Variants in STPG2 observed in about 807,000 individuals in gnomAD.
STPG2 encodes sperm tail PG-rich repeat containing 2, also known as sperm-tail PG-rich repeat-containing protein 2.
STPG2 carries 56 observed loss-of-function variants against 54.2 expected under a neutral mutation model. The observed-to-expected ratio is 1.03, with a 90% CI of 0.83 to 1.29. The LOEUF is 1.29. Among genes scored for constraint, STPG2 ranks in the 50% most tolerant of loss-of-function variants. The pLI, the probability that STPG2 is intolerant of heterozygous loss-of-function variation, is 0.00. For synonymous variants in STPG2, 200 were observed against 181.8 expected, an observed-to-expected ratio of 1.10 and a Z score of -0.81; for missense variants, 596 against 544.9, an observed-to-expected ratio of 1.09 and a Z score of -0.93.
chr4:98,009,442 A>G (rs1560633415), intron 5 of STPG2, among the ~76,000 whole-genome samples: 1 of 152,070 alleles, frequency 6.6e-6, no homozygotes. Flanking sequence ...TGATTCAAAA[A>G]GATACTTAAT....
intron 9 of STPG2, among the ~76,000 whole-genome samples, chr4:97,812,993 G>A (rs769760119): frequency 1.9e-4 from 29 of 152,138 alleles, no homozygotes; most frequent in Non-Finnish European, 3.7e-4. Flanking sequence ...AAAAATCTTG[G>A]AGTCATCTTT....
At chr4:97,473,276 T>C (rs1370554689) in intron 4 of STPG2, among the ~76,000 whole-genome samples, 1 of 152,202 alleles carries the variant, frequency 6.6e-6, no homozygotes, top group Admixed American at 6.5e-5. Context: ...CATATTTCTC[T>C]TCTTTCAAAA....
chr4:97,900,988 T>A (rs976313993), intron 8 of STPG2, among the ~76,000 whole-genome samples: 4 of 151,828 alleles, frequency 2.6e-5, no homozygotes, highest in African/African-American at 9.7e-5. Context: ...TTGTTTTGAT[T>A]TTGCAAATCA....
chr4:97,939,673 T>G (rs1160117814), intron 8 of STPG2, among the ~76,000 whole-genome samples: 2 of 152,226 alleles, frequency 1.3e-5, no homozygotes, highest in Non-Finnish European at 2.9e-5. Context: ...CTCCATCCCT[T>G]TATTTTGAGC....
At chr4:97,804,714 TC>T (rs1445476970) in intron 9 of STPG2, among the ~76,000 whole-genome samples, 1 of 152,164 alleles carries the variant, frequency 6.6e-6, no homozygotes, top group Non-Finnish European at 1.5e-5. Flanking sequence ...CACTCACTCA[TC>T]CAAAGCTACT....
chr4:97,734,857 G>C (rs1724922765), intron 9 of STPG2, among the ~76,000 whole-genome samples: 1 of 152,064 alleles, frequency 6.6e-6, no homozygotes, highest in Non-Finnish European at 1.5e-5. Flanking sequence ...TGGATCACAA[G>C]GTCAGCAGAT....
chr4:97,462,895 T>A (rs1049709886), intron 4 of STPG2, among the ~76,000 whole-genome samples: 1 of 152,116 alleles, frequency 6.6e-6, no homozygotes, highest in African/African-American at 2.4e-5. Flanking sequence ...TGGTTATAAC[T>A]GGCATTCCTG....
intron 5 of STPG2, among the ~76,000 whole-genome samples, chr4:98,052,149 A>T (rs906018555): frequency 6.6e-6 from 1 of 152,146 alleles, no homozygotes; most frequent in East Asian, 1.9e-4. Flanking sequence ...TCTCCCAAAA[A>T]TTTCTCAAGT....
At chr4:98,140,884 A>G (rs1740263461) in intron 1 of STPG2, among the ~76,000 whole-genome samples, 1 of 152,216 alleles carries the variant, frequency 6.6e-6, no homozygotes, top group Admixed American at 6.5e-5. Flanking sequence ...ATTAGGAGAA[A>G]GCTCACCTTA....
downstream of STPG2, among the ~76,000 whole-genome samples, chr4:97,555,859 T>A (rs1204004238): frequency 9.9e-5 from 15 of 152,080 alleles, no homozygotes; most frequent in Admixed American, 5.2e-4. Flanking sequence ...AAAGATAAGC[T>A]CTTGCTCTGA....
intron 10 of STPG2, among the ~76,000 whole-genome samples, chr4:97,666,368 A>G (rs1722525487): frequency 6.6e-6 from 1 of 152,214 alleles, no homozygotes; most frequent in Non-Finnish European, 1.5e-5. Context: ...TTCCTAGAAC[A>G]TGCAATGTTA....
chr4:98,132,948 T>TAAAAAAAAAAAAAAAAAA (rs200375140), intron 2 of STPG2, among the ~76,000 whole-genome samples: 1 of 101,582 alleles, frequency 9.8e-6, no homozygotes. Context: ...TGAAATGAAC[T>TAAAAAAAAAAAAAAAAAA]AAAAAAAAAA....
chr4:97,939,236 G>T (rs1732883099), intron 8 of STPG2, among the ~76,000 whole-genome samples: 1 of 152,048 alleles, frequency 6.6e-6, no homozygotes, highest in Non-Finnish European at 1.5e-5. Context: ...CCAATGATGT[G>T]GTCAATTTCA....
intron 8 of STPG2, among the ~76,000 whole-genome samples, chr4:97,867,688 T>C (rs746038363): frequency 6.6e-5 from 10 of 152,048 alleles, no homozygotes; most frequent in Admixed American, 6.6e-5. Context: ...AGTCCAGGAC[T>C]GATGCAGCAG....
At chr4:97,762,880 C>A (rs1445116600) in intron 9 of STPG2, among the ~76,000 whole-genome samples, 1 of 152,044 alleles carries the variant, frequency 6.6e-6, no homozygotes, top group East Asian at 1.9e-4. Flanking sequence ...GTCACTATAT[C>A]TCCTTTCTCT....
intron 4 of STPG2, among the ~76,000 whole-genome samples, chr4:97,455,180 G>A (rs1278654763): frequency 1.1e-4 from 17 of 152,156 alleles, no homozygotes; most frequent in Non-Finnish European, 4.4e-5. Context: ...AGAAAATCTA[G>A]ATGACGTGTT....
chr4:97,515,089 T>G (rs1297804870), intron 4 of STPG2, among the ~76,000 whole-genome samples: 1 of 152,130 alleles, frequency 6.6e-6, no homozygotes, highest in Non-Finnish European at 1.5e-5. Context: ...TAATAAGTTC[T>G]ATAAAGATAT....
At chr4:97,871,958 C>T (rs1386391181) in intron 8 of STPG2, among the ~76,000 whole-genome samples, 1 of 150,804 alleles carries the variant, frequency 6.6e-6, no homozygotes, top group African/African-American at 2.4e-5. Flanking sequence ...ACAAATGGGG[C>T]TTATTCTAAG....
At chr4:98,018,245 C>T (rs1187730569) in intron 5 of STPG2, among the ~76,000 whole-genome samples, 2 of 151,904 alleles carry the variant, frequency 1.3e-5, no homozygotes, top group African/African-American at 2.4e-5. Flanking sequence ...TCAATTCCCA[C>T]CTATGAGGGA....
Sources: allele counts gnomAD v4.1 joint callset (sites outside exome capture counted in the v4.1 genomes callset), GRCh38; gene constraint gnomAD v4.1.1; transcripts MANE v1.5; gene names NCBI Gene and HGNC (gene_info 2026-07-23, HGNC 2026-07-21).